ADAM12: variants seen among roughly 807,000 people sequenced by gnomAD.
ADAM12 encodes the protein ADAM metallopeptidase domain 12.
In ADAM12, 70 loss-of-function variants were observed where a neutral mutation model predicts 106.4. The observed-to-expected ratio is 0.66, with a 90% CI of 0.54 to 0.80. The LOEUF is 0.80. ADAM12 is among the 30% of genes least tolerant of loss of function. The pLI, the probability that ADAM12 is intolerant of heterozygous loss-of-function variation, is 0.00. For synonymous variants in ADAM12, 420 were observed against 433.5 expected, an observed-to-expected ratio of 0.97 and a Z score of 0.39; for missense variants, 1,010 against 1,171.9, an observed-to-expected ratio of 0.86 and a Z score of 2.02.
intron 1 of ADAM12, among the ~76,000 whole-genome samples, chr10:126,340,779 G>A (rs1453180440): frequency 6.6e-6 from 1 of 150,406 alleles, no homozygotes; most frequent in Non-Finnish European, 1.5e-5. Context: ...GTGCAGTGGT[G>A]CAATCTCAGC....
In ADAM12 at chr10:126,118,028, T is replaced by C. The variant is rs752470215; in HGVS notation, c.603+10A>G. 20 of 1,612,268 alleles carry C rather than the reference T, an allele frequency of 1.2e-5. No homozygotes were observed. The highest frequency in any genetic ancestry group is 1.7e-5 in the Non-Finnish European group (20 of 1,178,858). Reference sequence around the variant, plus strand: ...CTTTCCAGAAACACAAAATCAGGTATCCCCCTTACCCTTCTTGCCCATGTC... The same window carrying C: ...CTTTCCAGAAACACAAAATCAGGTACCCCCCTTACCCTTCTTGCCCATGTC... On this transcript the variant is annotated intron_variant, in intron 6 of 22. Transcript: ENST00000448723.
Position 126,064,710 on chromosome 10 carries a change from G to C in ADAM12, c.1609+96C>G, listed in dbSNP as rs1376515767. 3 of 1,314,470 alleles carry C rather than the reference G, an allele frequency of 2.3e-6. No individual in the cohort carries two copies. In the East Asian group the frequency reaches 7.6e-5, roughly 33 times the overall value. The allele number at this position is 1,314,470 out of a possible 1,614,324, so 81.4% of individuals were successfully genotyped here. ...ATGCTGTGTGGACAGCGCCCGCCAGGAGTGGGGGCTAACCAAAACAGAGCA... is the reference window on the plus strand; with the variant it reads ...ATGCTGTGTGGACAGCGCCCGCCAGCAGTGGGGGCTAACCAAAACAGAGCA... On this transcript the variant is annotated intron_variant, in intron 14 of 22. Transcript: ENST00000448723. This position sits in a 1 kb window ranked among gnomAD's most constrained non-coding sequence, Gnocchi z 4.4.
chr10:126,315,405 ACC>A (rs1853823486), intron 2 of ADAM12, among the ~76,000 whole-genome samples: 1 of 152,166 alleles, frequency 6.6e-6, no homozygotes, highest in Non-Finnish European at 1.5e-5. Context: ...GTCTGTTATA[ACC>A]AACAAAAATG....
chr10:126,166,508 G>GA (rs1554980120), intron 3 of ADAM12, among the ~76,000 whole-genome samples: 3 of 151,366 alleles, frequency 2.0e-5, no homozygotes, highest in African/African-American at 7.3e-5. Context: ...TTTGTTTTTT[G>GA]TTTTTTTTGA....
At chr10:126,352,553 T>C (rs571718570) in intron 1 of ADAM12, among the ~76,000 whole-genome samples, 12 of 152,246 alleles carry the variant, frequency 7.9e-5, no homozygotes, top group Non-Finnish European at 1.6e-4. Context: ...CTTGGTACTA[T>C]ATGAACTGCT....
intron 11 of ADAM12, among the ~76,000 whole-genome samples, chr10:126,075,299 C>G (rs1175551479): frequency 6.6e-6 from 1 of 152,134 alleles, no homozygotes; most frequent in Non-Finnish European, 1.5e-5. Flanking sequence ...TTTATGAACC[C>G]TATTTGGGCA....
chr10:126,045,151 A>T (rs1050435555), intron 17 of ADAM12, among the ~76,000 whole-genome samples: 1 of 151,914 alleles, frequency 6.6e-6, no homozygotes, highest in African/African-American at 2.4e-5. Context: ...TGGGCACACC[A>T]TCCCCACAGC....
At chr10:126,344,259 C>A (rs1237033601) in intron 1 of ADAM12, among the ~76,000 whole-genome samples, 2 of 152,154 alleles carry the variant, frequency 1.3e-5, no homozygotes, top group African/African-American at 4.8e-5. Context: ...GTTTTCCCAG[C>A]ACCATTTATT....
At chr10:126,136,577 CACG>C (rs1323169769) in intron 4 of ADAM12, among the ~76,000 whole-genome samples, 1 of 152,216 alleles carries the variant, frequency 6.6e-6, no homozygotes, top group Non-Finnish European at 1.5e-5. Flanking sequence ...CTCCTTCACA[CACG>C]ACAACAGTCA....
At chr10:126,114,622 G>C (rs140506317) in intron 6 of ADAM12, among the ~76,000 whole-genome samples, 2 of 152,282 alleles carry the variant, frequency 1.3e-5, no homozygotes, top group African/African-American at 4.8e-5. Context: ...TGGGATTACA[G>C]GTGCCTGCCA....
At chr10:126,111,587 C>T (rs1406989432) in intron 6 of ADAM12, among the ~76,000 whole-genome samples, 1 of 152,204 alleles carries the variant, frequency 6.6e-6, no homozygotes, top group Admixed American at 6.5e-5. Flanking sequence ...TTACACTTTT[C>T]AGCCTGCAGA....
In ADAM12 at chr10:126,043,762, C is replaced by T. The variant is rs117435563; in HGVS notation, c.1996-614G>A. ...CTGTCCCCGTGTGTCCTTCCTGCAA[C>T]GCCTGCCTCCTTCTTGCAGAGGTTC... On this transcript the variant is annotated intron_variant, in intron 17 of 22. Coordinates refer to ENST00000448723, the MANE Select transcript of ADAM12 (RefSeq NM_001288973.2). This position sits in a 1 kb window ranked among gnomAD's most constrained non-coding sequence, Gnocchi z 4.1. Among the ~76,000 whole-genome samples the T allele has an allele frequency of 7.4e-3, 1,135 of 152,350 alleles. 11 individuals carry two copies. The highest frequency in any genetic ancestry group is 0.032 in the East Asian group (167 of 5,182).
intron 18 of ADAM12, chr10:126,042,290 A>T (rs1954194834): frequency 6.3e-7 from 1 of 1,599,500 alleles, no homozygotes; most frequent in African/African-American, 1.3e-5. Context: ...CCCAATAAGA[A>T]CTCAGAGAAA....
At chr10:126,360,085 T>A (rs1454652118) in intron 1 of ADAM12, among the ~76,000 whole-genome samples, 1 of 152,180 alleles carries the variant, frequency 6.6e-6, no homozygotes, top group Non-Finnish European at 1.5e-5. Context: ...TAGCCATGGC[T>A]AGAGCAGCTG....
intron 5 of ADAM12, among the ~76,000 whole-genome samples, chr10:126,133,833 A>G (rs1046677099): frequency 3.3e-5 from 5 of 152,106 alleles, no homozygotes; most frequent in African/African-American, 1.2e-4. Context: ...AGCTTTGCAC[A>G]TGCTCTTCTC....
intron 14 of ADAM12, among the ~76,000 whole-genome samples, chr10:126,060,532 A>C (rs1954731654): frequency 6.6e-6 from 1 of 152,216 alleles, no homozygotes; most frequent in African/African-American, 2.4e-5. Flanking sequence ...CCCAGTGCAT[A>C]CGTGATCCAG....
rs1373322385 is a variant in ADAM12, at chr10:126,155,243, A to T, written c.323T>A (p.Leu108His). The change falls in exon 4 of 23, where the codon CTC (leucine) becomes CAC (histidine). Residue 108 changes from leucine to histidine, a missense_variant. Coordinates refer to ENST00000448723, the MANE Select transcript of ADAM12 (RefSeq NM_001288973.2). ...CAGAATTACCGTGTAATTTCGAGCG[A>T]GGGAGACATCAGTACCGTCTTGCAG... ...HYLQDGTDVS[L>H]ARNYTGHCYY... 6.2e-7 allele frequency: 1 copy of T among 1,614,038 alleles called. No homozygotes were observed. Among genetic ancestry groups the T allele is most frequent in the East Asian group, 2.2e-5 (1 of 44,896 alleles).
intron 3 of ADAM12, among the ~76,000 whole-genome samples, chr10:126,253,344 T>C (rs1958822787): frequency 6.6e-6 from 1 of 152,246 alleles, no homozygotes; most frequent in Admixed American, 6.5e-5. Flanking sequence ...TCAAAGGTTT[T>C]TCATCTGCTC....
intron 1 of ADAM12, among the ~76,000 whole-genome samples, chr10:126,366,942 A>C (rs937580333): frequency 1.3e-5 from 2 of 152,150 alleles, no homozygotes; most frequent in Non-Finnish European, 2.9e-5. Flanking sequence ...GACTGACAGA[A>C]CTGAAAGTAC....
Sources: allele counts gnomAD v4.1 joint callset (sites outside exome capture counted in the v4.1 genomes callset), GRCh38; gene constraint gnomAD v4.1.1; non-coding constraint Gnocchi (gnomAD v3.1); transcripts MANE v1.5; gene names NCBI Gene and HGNC (gene_info 2026-07-23, HGNC 2026-07-21).